TUSC3: variants seen among roughly 807,000 people sequenced by gnomAD.
TUSC3 encodes the protein tumor suppressor candidate 3.
Under a neutral mutation model 44.8 loss-of-function variants are expected in TUSC3, and 45 were observed. The observed-to-expected ratio is 1.00, with a 90% CI of 0.79 to 1.29. The LOEUF (loss-of-function observed/expected upper bound fraction) is 1.29, where lower values mean the gene tolerates loss of function less well. Among genes scored for constraint, TUSC3 ranks in the 50% most tolerant of loss-of-function variants. The pLI is 0.00. For synonymous variants in TUSC3, 212 were observed against 152.9 expected (o/e 1.39, Z -2.85); for missense variants, 519 against 437.9 (o/e 1.19, Z -1.65).
intron 2 of TUSC3, among the ~76,000 whole-genome samples, chr8:15,534,677 A>C (rs1801497667): frequency 6.6e-6 from 1 of 152,042 alleles, no homozygotes; most frequent in Non-Finnish European, 1.5e-5. Flanking sequence ...AGCCAAATTA[A>C]ATTTAAAGGA....
At chr8:15,795,721 A>T in the TUSC3 span, among the ~76,000 whole-genome samples, 2 of 152,246 alleles carry the variant, frequency 1.3e-5, no homozygotes, top group African/African-American at 4.8e-5. Flanking sequence ...TAGTACCCAC[A>T]TCAGTTTTTG....
rs28896832 is a variant in TUSC3 at position 15,578,575 on chromosome 8, T to C, written c.138+38007T>C. 8.4e-3 allele frequency among the ~76,000 whole-genome samples: 1,208 copies of C among 144,252 alleles called. 19 individuals carry two copies. The highest frequency in any genetic ancestry group is 0.03 in the African/African-American group (1,128 of 37,896). 94.6% of individuals were successfully genotyped at this position (144,252 alleles called of 152,430 possible). On this transcript the variant is annotated intron_variant, in intron 1 of 10. Transcript: ENST00000503731. ...TTTTCTGCATCTCTTGAGATAATCA[T>C]GTGGTTTTTGTCTTTGGCTCTGTTT...
intron 1 of TUSC3, among the ~76,000 whole-genome samples, chr8:15,595,116 G>C (rs1804009685): frequency 1.3e-5 from 2 of 152,100 alleles, no homozygotes; most frequent in Admixed American, 1.3e-4. Flanking sequence ...CCATCACTTT[G>C]TTATTCTCAA....
At chr8:15,737,034 T>C (rs1419101252) in intron 7 of TUSC3, among the ~76,000 whole-genome samples, 1 of 152,166 alleles carries the variant, frequency 6.6e-6, no homozygotes, top group Non-Finnish European at 1.5e-5. Context: ...TTTATTCTTA[T>C]AAAGATAACA....
At chr8:15,772,210 C>G in the TUSC3 span, among the ~76,000 whole-genome samples, 12 of 151,854 alleles carry the variant, frequency 7.9e-5, no homozygotes, top group Non-Finnish European at 1.5e-4. Context: ...CAGAGCAGAG[C>G]TAAACAAAAT....
chr8:15,843,791 A>C, the TUSC3 span, among the ~76,000 whole-genome samples: 1 of 152,040 alleles, frequency 6.6e-6, no homozygotes, highest in African/African-American at 2.4e-5. Flanking sequence ...CTGGGGATAC[A>C]AAGATGTCTT....
intron 3 of TUSC3, among the ~76,000 whole-genome samples, chr8:15,653,549 A>T (rs557146868): frequency 2.5e-4 from 38 of 152,292 alleles, no homozygotes; most frequent in South Asian, 6.2e-4. Context: ...TTTTTAATTG[A>T]AACATTTTCT....
At chr8:15,491,633 T>C (rs1800810412) in intron 2 of TUSC3, among the ~76,000 whole-genome samples, 1 of 152,198 alleles carries the variant, frequency 6.6e-6, no homozygotes, top group South Asian at 2.1e-4. Context: ...AGTGATTCTC[T>C]AACCCTTCTG....
chr8:15,674,637 T>C (rs1808101921), intron 6 of TUSC3, among the ~76,000 whole-genome samples: 1 of 151,878 alleles, frequency 6.6e-6, no homozygotes. Context: ...AAATAATTAT[T>C]ATTACTATAT....
the TUSC3 span, among the ~76,000 whole-genome samples, chr8:15,780,441 C>T: frequency 6.6e-6 from 1 of 152,100 alleles, no homozygotes; most frequent in African/African-American, 2.4e-5. Flanking sequence ...ACAAGAGTCT[C>T]TAGACCACAG....
intron 6 of TUSC3, among the ~76,000 whole-genome samples, chr8:15,700,253 T>A (rs1213814660): frequency 6.6e-6 from 1 of 152,176 alleles, no homozygotes; most frequent in Non-Finnish European, 1.5e-5. Context: ...TTTATTTAAT[T>A]CAATTCAATG....
rs1319412092 is a variant in TUSC3, at chr8:15,604,685, A to G, written c.139-18395A>G. ...AGTGTTTCTTGCCTTTTGGTTTTCT[A>G]TTTAGAATGTCAAAGTAAGCCTTTG... On this transcript the variant is annotated intron_variant, in intron 1 of 10. Transcript: ENST00000503731. 2.6e-5 allele frequency among the ~76,000 whole-genome samples: 4 copies of G among 151,856 alleles called. No individual in the cohort carries two copies. In the East Asian group the frequency reaches 7.7e-4, roughly 29 times the overall value.
chr8:15,677,617 A>G (rs1808248580), intron 6 of TUSC3, among the ~76,000 whole-genome samples: 1 of 152,236 alleles, frequency 6.6e-6, no homozygotes, highest in Admixed American at 6.5e-5. Flanking sequence ...TAATAAATAC[A>G]GGGCTGAGAA....
chr8:15,506,036 T>C (rs150050871), intron 2 of TUSC3, among the ~76,000 whole-genome samples: 8 of 152,344 alleles, frequency 5.3e-5, no homozygotes, highest in African/African-American at 1.9e-4. Flanking sequence ...TTGTTTGCAG[T>C]AGTTTCTAGA....
rs183339245 is a variant in TUSC3 at position 15,658,926 on chromosome 8, T to A, written c.427-581T>A. Among the ~76,000 whole-genome samples, 43 of 152,210 alleles carry A rather than the reference T, an allele frequency of 2.8e-4. No homozygotes were observed. The East Asian group carries it at 8.3e-3, about 29-fold the overall frequency. On this transcript the variant is annotated intron_variant, in intron 3 of 10. Coordinates refer to ENST00000503731, the MANE Select transcript of TUSC3 (RefSeq NM_006765.4). ...AGCAGTTGAGCAGAAAAAGTGTTAT[T>A]TGAGGATTTCTTCTTCATTCTCTGG...
chr8:15,496,500 C>T (rs1347613818), intron 2 of TUSC3, among the ~76,000 whole-genome samples: 2 of 152,202 alleles, frequency 1.3e-5, no homozygotes, highest in Non-Finnish European at 2.9e-5. Flanking sequence ...CTGAGTTCAA[C>T]CCCTTGTATG....
chr8:15,605,889 A>G (rs1019828812), intron 1 of TUSC3, among the ~76,000 whole-genome samples: 6 of 151,996 alleles, frequency 3.9e-5, no homozygotes, highest in African/African-American at 1.2e-4. Flanking sequence ...TTCCGTTGCT[A>G]TTAGGGTGAG....
the TUSC3 span, among the ~76,000 whole-genome samples, chr8:15,821,420 T>C: frequency 8.8e-5 from 13 of 147,452 alleles, no homozygotes; most frequent in East Asian, 1.6e-3. Context: ...TGTGTAAATT[T>C]ATGTCTTTCC....
intron 2 of TUSC3, among the ~76,000 whole-genome samples, chr8:15,491,582 G>A (rs533725934): frequency 6.6e-6 from 1 of 152,042 alleles, no homozygotes; most frequent in Non-Finnish European, 1.5e-5. Flanking sequence ...TTATCTTTTT[G>A]CTTACATACA....
Sources: allele counts gnomAD v4.1 joint callset (sites outside exome capture counted in the v4.1 genomes callset), GRCh38; gene constraint gnomAD v4.1.1; transcripts MANE v1.5; gene names NCBI Gene and HGNC (gene_info 2026-07-23, HGNC 2026-07-21).